The following LRP1B variants were observed in gnomAD, a reference collection of about 807,000 sequenced individuals.
LRP1B encodes low-density lipoprotein receptor-related protein 1B.
LRP1B carries 217 observed loss-of-function variants against 556.6 expected under a neutral mutation model. That is an observed-to-expected ratio of 0.39 (90% CI 0.35 to 0.44). The LOEUF (loss-of-function observed/expected upper bound fraction) is 0.44, where lower values mean the gene tolerates loss of function less well. Ranked by LOEUF, LRP1B falls within the 20% of genes least tolerant of loss-of-function variation. LRP1B has a pLI of 1.00. For missense variants in LRP1B, 5,053 were observed against 5,620.8 expected (o/e 0.90, Z 3.23); for synonymous variants, 2,047 against 1,865.8 (o/e 1.10, Z -2.50).
chr2:141,502,414 T>C (rs1175142953), intron 2 of LRP1B, among the ~76,000 whole-genome samples: 2 of 152,212 alleles, frequency 1.3e-5, no homozygotes, highest in African/African-American at 4.8e-5. Context: ...CTTCATTTTT[T>C]TAATCAAAAG....
intron 15 of LRP1B, among the ~76,000 whole-genome samples, chr2:141,001,299 A>G (rs1431839312): frequency 2.1e-5 from 3 of 140,388 alleles, no homozygotes; most frequent in African/African-American, 5.3e-5. Flanking sequence ...TGGAAATTGA[A>G]TAAGCCTGTA....
At chr2:141,111,909 G>A (rs927372198) in intron 7 of LRP1B, among the ~76,000 whole-genome samples, 2 of 151,882 alleles carry the variant, frequency 1.3e-5, no homozygotes, top group African/African-American at 4.8e-5. Flanking sequence ...AGCCCAGTAT[G>A]GTGGTATGCA....
chr2:141,065,565 G>C (rs1006729968), intron 7 of LRP1B, among the ~76,000 whole-genome samples: 3 of 151,828 alleles, frequency 2.0e-5, no homozygotes, highest in Non-Finnish European at 2.9e-5. Flanking sequence ...TTGTTTTGAA[G>C]AATGTTCCAA....
chr2:140,927,379 C>T (rs1694916210), intron 20 of LRP1B, among the ~76,000 whole-genome samples: 1 of 152,104 alleles, frequency 6.6e-6, no homozygotes, highest in South Asian at 2.1e-4. Context: ...CAGTTACGCA[C>T]ATGATAAGTA....
At position 140,335,799 on chromosome 2, in the gene LRP1B, A is replaced by G. The variant is rs1573810516; in HGVS notation, c.11932T>C (p.Trp3978Arg). ...GTCCAGTAAATGTTTCCAGCCACCC[A>G]GTCAACTGCAATGTCCCTGGGCCTT... ...FKRPRDIAVD[W>R]VAGNIYWTDH... Residue 3978 changes from tryptophan to arginine, a missense_variant, in exon 78 of 91, where the codon TGG becomes CGG. Around this residue, in one of 5 missense-constraint regions of LRP1B, gnomAD observed 599 missense variants for 648.4 expected, o/e 0.92. Coordinates refer to ENST00000389484, the MANE Select transcript of LRP1B (RefSeq NM_018557.3). The G allele has an allele frequency of 1.2e-6, 2 of 1,612,604 alleles. No individual in the cohort carries two copies. Among genetic ancestry groups the G allele is most frequent in the Non-Finnish European group, 1.7e-6 (2 of 1,179,174 alleles).
chr2:141,446,157 C>G (rs111754110), intron 3 of LRP1B, among the ~76,000 whole-genome samples: 176 of 152,258 alleles, frequency 1.2e-3, no homozygotes, highest in African/African-American at 4.1e-3. Context: ...GAATTGATCC[C>G]TTTACCATTA....
chr2:142,081,182 A>C (rs1372278148), intron 1 of LRP1B, among the ~76,000 whole-genome samples: 1 of 152,150 alleles, frequency 6.6e-6, no homozygotes, highest in Non-Finnish European at 1.5e-5. Flanking sequence ...ATTTTTAGAG[A>C]GGTATTCAAT....
intron 71 of LRP1B, among the ~76,000 whole-genome samples, chr2:140,370,432 C>G (rs17386883): frequency 0.29 from 43,843 of 151,792 alleles, 7,809 homozygotes; most frequent in Non-Finnish European, 0.4. Context: ...CTCCACATAT[C>G]CCTATACTTG....
intron 2 of LRP1B, among the ~76,000 whole-genome samples, chr2:141,606,030 G>A (rs1055858582): frequency 6.6e-6 from 1 of 151,454 alleles, no homozygotes; most frequent in African/African-American, 2.4e-5. Context: ...ATGGCTCTTT[G>A]TACATGTTTG....
chr2:140,762,435 C>T (rs1688958753), intron 35 of LRP1B, among the ~76,000 whole-genome samples: 1 of 152,082 alleles, frequency 6.6e-6, no homozygotes, highest in Non-Finnish European at 1.5e-5. Context: ...TAACTTTACT[C>T]CTGTGATGTA....
chr2:140,774,907 C>T (rs1347382350), intron 33 of LRP1B, among the ~76,000 whole-genome samples: 4 of 152,074 alleles, frequency 2.6e-5, no homozygotes, highest in Non-Finnish European at 4.4e-5. Flanking sequence ...TATATACATT[C>T]TCAGGTTATA....
chr2:141,261,864 T>G (rs1684703422), intron 3 of LRP1B, among the ~76,000 whole-genome samples: 1 of 152,164 alleles, frequency 6.6e-6, no homozygotes, highest in Admixed American at 6.5e-5. Flanking sequence ...TACATACAGA[T>G]TTTGTGTAAA....
chr2:142,043,290 G>T (rs901757092), intron 1 of LRP1B, among the ~76,000 whole-genome samples: 1 of 151,448 alleles, frequency 6.6e-6, no homozygotes, highest in Non-Finnish European at 1.5e-5. Flanking sequence ...CAAATTCCTA[G>T]TGCATAGAAT....
intron 3 of LRP1B, among the ~76,000 whole-genome samples, chr2:141,274,939 C>T (rs1278457062): frequency 6.6e-6 from 1 of 151,978 alleles, no homozygotes; most frequent in Non-Finnish European, 1.5e-5. Flanking sequence ...AATTTATTAC[C>T]CAAGCAACTT....
rs547132211 is a variant in LRP1B, at chr2:141,126,216, T to C, written c.1013+62205A>G. Among the ~76,000 whole-genome samples the C allele has an allele frequency of 7.9e-5, 12 of 152,216 alleles. No individual in the cohort carries two copies. In the South Asian group the frequency reaches 2.5e-3, roughly 32 times the overall value. On this transcript the variant is annotated intron_variant, in intron 7 of 90. Coordinates refer to ENST00000389484, the MANE Select transcript of LRP1B (RefSeq NM_018557.3). ...CTGACTAATTTTTTTGTATTTTTAG[T>C]AGAGACGGGGTTTTGCCATATTGGC...
At chr2:140,237,638 G>A (rs1418880499) in intron 89 of LRP1B, among the ~76,000 whole-genome samples, 1 of 150,734 alleles carries the variant, frequency 6.6e-6, no homozygotes, top group Non-Finnish European at 1.5e-5. Context: ...GGGTAGAAAA[G>A]AAAATGTCTC....
chr2:140,841,523 A>C (rs1692105139), intron 29 of LRP1B, among the ~76,000 whole-genome samples: 1 of 152,208 alleles, frequency 6.6e-6, no homozygotes, highest in African/African-American at 2.4e-5. Context: ...TTGTTACTAA[A>C]ATGAAATAAA....
intron 89 of LRP1B, among the ~76,000 whole-genome samples, chr2:140,236,925 CTG>C (rs758919577): frequency 2.1e-4 from 31 of 150,396 alleles, no homozygotes; most frequent in African/African-American, 6.6e-4. Context: ...TTATGAGATA[CTG>C]TGTTTTGTTA....
chr2:141,382,912 A>G (rs191893501), intron 3 of LRP1B, among the ~76,000 whole-genome samples: 1 of 152,324 alleles, frequency 6.6e-6, no homozygotes, highest in East Asian at 1.9e-4. Context: ...CTAGCAAAGG[A>G]AAAAGTCAAC....
Sources: gnomAD v4.1 joint callset for allele counts (sites outside exome capture counted in the v4.1 genomes callset) on GRCh38, gnomAD v4.1.1 for gene constraint, gnomAD v4.1.1 regional missense constraint, MANE v1.5 for transcripts, NCBI Gene and HGNC (gene_info 2026-07-23, HGNC 2026-07-21) for gene names.